The following ZNF83 variants were observed in gnomAD, a reference collection of about 807,000 sequenced individuals.
ZNF83 encodes zinc finger protein 816B.
For missense variants in ZNF83, 552 were observed against 629.9 expected, an observed-to-expected ratio of 0.88 and a Z score of 1.32; for synonymous variants, 209 against 213.0, an observed-to-expected ratio of 0.98 and a Z score of 0.17.
At chr19:52,684,790 T>C (rs1471917897) in intron 1 of ZNF83, among the ~76,000 whole-genome samples, 2 of 151,714 alleles carry the variant, frequency 1.3e-5, no homozygotes, top group Non-Finnish European at 2.9e-5. Flanking sequence ...GGTTTTGGTG[T>C]TTGGGAAAAA....
At chr19:52,659,613 CAA>C (rs67918270) in intron 2 of ZNF83, among the ~76,000 whole-genome samples, 8 of 114,212 alleles carry the variant, frequency 7.0e-5, no homozygotes, top group Admixed American at 1.9e-4. Context: ...GACTCCAACT[CAA>C]AAAAAAAAAA....
At chr19:52,665,147 TG>T in intron 1 of ZNF83, among the ~76,000 whole-genome samples, 1 of 151,910 alleles carries the variant, frequency 6.6e-6, no homozygotes, top group Non-Finnish European at 1.5e-5. Flanking sequence ...TTCACTGGGG[TG>T]GGAGAGTCCA....
intron 2 of ZNF83, among the ~76,000 whole-genome samples, chr19:52,628,186 C>T (rs567707569): frequency 2.3e-4 from 35 of 152,168 alleles, no homozygotes; most frequent in African/African-American, 4.6e-4. Context: ...CACACGGACA[C>T]GCATGAAATT....
At chr19:52,672,327 A>G (rs2061737749) in intron 1 of ZNF83, among the ~76,000 whole-genome samples, 1 of 152,270 alleles carries the variant, frequency 6.6e-6, no homozygotes. Context: ...AACATGTACT[A>G]TGAACTATGT....
chr19:52,631,368 C>T (rs976628834), intron 2 of ZNF83, among the ~76,000 whole-genome samples: 3 of 152,168 alleles, frequency 2.0e-5, no homozygotes, highest in Non-Finnish European at 4.4e-5. Flanking sequence ...TGTAGCCTTT[C>T]TGTCCAAACA....
Position 52,674,928 on chromosome 19 carries a change from C to T in ZNF83, c.-282-14085G>A, listed in dbSNP as rs150669950. ...GGGAAAAGTGGCTAACCTCTGTTGG[C>T]CAGGCTGGTCTAAAACTTCTGACAT... On this transcript the variant is annotated intron_variant, in intron 1 of 5. Coordinates refer to the ZNF83 transcript ENST00000594682. 9.7e-3 allele frequency among the ~76,000 whole-genome samples: 1,478 copies of T among 152,274 alleles called. 11 individuals carry two copies. Among genetic ancestry groups the T allele is most frequent in the Non-Finnish European group, 0.015 (1,013 of 68,030 alleles).
chr19:52,625,581 T>C (rs977255800), intron 2 of ZNF83, among the ~76,000 whole-genome samples: 2 of 152,148 alleles, frequency 1.3e-5, no homozygotes, highest in Non-Finnish European at 2.9e-5. Context: ...ACAGAAACAA[T>C]TGGGGCCTTC....
upstream of ZNF83, among the ~76,000 whole-genome samples, chr19:52,643,373 A>C (rs1407951140): frequency 4.0e-5 from 6 of 151,118 alleles, no homozygotes; most frequent in Non-Finnish European, 8.8e-5. Flanking sequence ...AAAAAAAAAA[A>C]AGGCATTAAC....
Position 52,614,359 on chromosome 19 carries a change from T to C in ZNF83, c.206A>G (p.His69Arg), listed in dbSNP as rs1012784066. The C allele has an allele frequency of 3.1e-6, 5 of 1,612,694 alleles. No homozygotes were observed. The highest frequency in any genetic ancestry group is 3.3e-5 in the Admixed American group (2 of 60,002). ...ATCCACAAAATTACATTCATATGTA[T>C]GAGAAATGTGGGTTTTGACAGTAGA... Residue 69 changes from histidine to arginine, a missense_variant, in exon 3 of 3, where the codon CAT (histidine) becomes CGT (arginine). Physicochemically the swap from His to Arg is conservative, Grantham distance 29 (BLOSUM62 0). Coordinates refer to ENST00000301096, the Ensembl canonical transcript of ZNF83.
upstream of ZNF83, among the ~76,000 whole-genome samples, chr19:52,642,985 T>C (rs536273318): frequency 6.6e-6 from 1 of 152,176 alleles, no homozygotes; most frequent in African/African-American, 2.4e-5. Context: ...GGTGAAACCC[T>C]GTCTCTACTA....
chr19:52,663,181 T>A (rs1318657120), intron 1 of ZNF83, among the ~76,000 whole-genome samples: 2 of 151,570 alleles, frequency 1.3e-5, no homozygotes, highest in African/African-American at 2.4e-5. Flanking sequence ...AAAAAAAAAA[T>A]TCCAGGACCA....
intron 3 of ZNF83, among the ~76,000 whole-genome samples, chr19:52,646,441 C>T (rs990572615): frequency 1.3e-5 from 2 of 152,080 alleles, no homozygotes; most frequent in African/African-American, 2.4e-5. Flanking sequence ...CCTAGCTACT[C>T]GGGAGGCCAA....
chr19:52,654,101 G>C (rs542591214), intron 3 of ZNF83: 72 of 1,604,550 alleles, frequency 4.5e-5, no homozygotes, highest in Middle Eastern at 1.7e-4. Flanking sequence ...TGCAGTTCAG[G>C]CAGATGTGAA....
intron 2 of ZNF83, chr19:52,618,681 G>A (rs2060411195): frequency 3.3e-6 from 2 of 615,368 alleles, no homozygotes; most frequent in South Asian, 2.3e-5. Flanking sequence ...ACAGGCATGA[G>A]TCACCACGCC....
chr19:52,685,953 C>G (rs916100644), intron 1 of ZNF83, among the ~76,000 whole-genome samples: 3 of 151,478 alleles, frequency 2.0e-5, no homozygotes, highest in Admixed American at 2.0e-4. Context: ...GAACAGCATT[C>G]CATGCCAATC....
chr19:52,634,696 G>A (rs1258087952), intron 2 of ZNF83, among the ~76,000 whole-genome samples: 3 of 152,170 alleles, frequency 2.0e-5, no homozygotes, highest in Admixed American at 1.3e-4. Context: ...ACATTAATAC[G>A]TGACTTCCAT....
chr19:52,631,416 C>T (rs972631594), intron 2 of ZNF83, among the ~76,000 whole-genome samples: 4 of 152,194 alleles, frequency 2.6e-5, no homozygotes, highest in Non-Finnish European at 2.9e-5. Flanking sequence ...ATGATGTCTG[C>T]GTGCAGCAGC....
At chr19:52,647,237 A>T (rs946573892) in intron 3 of ZNF83, among the ~76,000 whole-genome samples, 3 of 152,196 alleles carry the variant, frequency 2.0e-5, no homozygotes, top group African/African-American at 7.2e-5. Flanking sequence ...GTGAAAACTA[A>T]CCTCTGATGC....
intron 1 of ZNF83, 131 bp from the exon 2 acceptor site, chr19:52,635,284 G>A (rs774319714): frequency 2.0e-5 from 9 of 457,278 alleles, no homozygotes; most frequent in South Asian, 1.1e-4. Flanking sequence ...CACCAGAGAC[G>A]ATAAACTCCT....
Sources: gnomAD v4.1 joint callset for allele counts (sites outside exome capture counted in the v4.1 genomes callset) on GRCh38, gnomAD v4.1.1 for gene constraint, MANE v1.5 for transcripts, NCBI Gene and HGNC (gene_info 2026-07-23, HGNC 2026-07-21) for gene names.